The following HYDIN variants were observed in gnomAD, a reference collection of about 807,000 sequenced individuals.
HYDIN encodes axonemal central pair apparatus protein HYDIN.
HYDIN carries 132 observed loss-of-function variants against 403.9 expected under a neutral mutation model. The observed-to-expected ratio is 0.33, with a 90% CI of 0.28 to 0.38. The LOEUF is 0.38. HYDIN is among the 10% of genes least tolerant of loss of function. The probability of loss-of-function intolerance (pLI) is 1.00; values close to 1 mark genes in which losing one functional copy is unlikely to be tolerated. For missense variants in HYDIN, 2,827 were observed against 5,009.5 expected (o/e 0.56, Z 13.15); for synonymous variants, 1,202 against 1,891.7 (o/e 0.64, Z 9.46).
intron 22 of HYDIN, among the ~76,000 whole-genome samples, chr16:71,018,682 A>G (rs2080349236): frequency 6.6e-6 from 1 of 151,934 alleles, no homozygotes; most frequent in Non-Finnish European, 1.5e-5. Context: ...ATATGGATAC[A>G]CATTTTATTA....
At chr16:70,829,856 T>C in intron 80 of HYDIN, 26 bp from the exon 81 acceptor site, 2 of 1,604,016 alleles carry the variant, frequency 1.2e-6, no homozygotes, top group Non-Finnish European at 1.7e-6. Flanking sequence ...CACCTCATCT[T>C]CCATGGCACT....
chr16:70,993,550 G>A (rs1455368304), intron 23 of HYDIN, among the ~76,000 whole-genome samples: 1 of 151,866 alleles, frequency 6.6e-6, no homozygotes, highest in Non-Finnish European at 1.5e-5. Flanking sequence ...GTATTCCATA[G>A]TGTGGATGTT....
In HYDIN at chr16:71,204,008, T is replaced by C. The variant is rs1185197257; in HGVS notation, c.-23-17090A>G. The stretch of plus-strand genomic sequence containing the variant: ...TGAGCCTGAGAAGCAGAGGTTGCAG[T>C]GAGCTGGGATCTTGCCAATGCACTC... On this transcript the variant is annotated intron_variant, in intron 1 of 85. Coordinates refer to ENST00000393567, the MANE Select transcript of HYDIN (RefSeq NM_001270974.2). The C allele has an allele frequency of 1.3e-5, 4 of 301,246 alleles. No homozygotes were observed. In the East Asian group the frequency reaches 3.8e-4, roughly 29 times the overall value. 18.7% of individuals were successfully genotyped at this position (301,246 alleles called of 1,614,324 possible). A position where few individuals can be genotyped will look rare whatever the true frequency, so the allele number is the denominator to read the frequency against.
chr16:71,141,554 C>G (rs1037755883), intron 7 of HYDIN, among the ~76,000 whole-genome samples: 1 of 151,720 alleles, frequency 6.6e-6, no homozygotes, highest in Non-Finnish European at 1.5e-5. Flanking sequence ...TACAGGACCT[C>G]TAAGAAACAT....
intron 45 of HYDIN, among the ~76,000 whole-genome samples, chr16:70,931,305 GCCT>G (rs932807626): frequency 1.5e-5 from 2 of 131,766 alleles, no homozygotes; most frequent in Non-Finnish European, 3.1e-5. Flanking sequence ...TCCTGTTTCA[GCCT>G]CCTGAGTGGC....
At chr16:71,204,472 C>G (rs1372182450) in intron 1 of HYDIN, among the ~76,000 whole-genome samples, 1 of 152,204 alleles carries the variant, frequency 6.6e-6, no homozygotes, top group Non-Finnish European at 1.5e-5. Context: ...TGACCGTTCT[C>G]GATTGAGTGC....
At chr16:71,139,146 T>C (rs1349073551) in intron 7 of HYDIN, among the ~76,000 whole-genome samples, 1 of 149,954 alleles carries the variant, frequency 6.7e-6, no homozygotes, top group Non-Finnish European at 1.5e-5. Flanking sequence ...GAGGGTGAAC[T>C]GGAAGTAGAT....
Position 70,951,187 on chromosome 16 carries a change from A to G in HYDIN, c.6531+1234T>C, listed in dbSNP as rs556494629. The stretch of plus-strand genomic sequence containing the variant: ...GAGCTCAAGGCCGCAGTGAACAAAG[A>G]CTGTGCCACTGCACTCCAGCCTGGG... On this transcript the variant is annotated intron_variant, in intron 41 of 85. Transcript: ENST00000393567. Among the ~76,000 whole-genome samples, 8 of 151,716 alleles carry G rather than the reference A, an allele frequency of 5.3e-5. No homozygotes were observed. The South Asian group carries it at 1.5e-3, about 28-fold the overall frequency.
intron 77 of HYDIN, among the ~76,000 whole-genome samples, chr16:70,836,398 T>C (rs1382402176): frequency 2.6e-5 from 4 of 152,164 alleles, no homozygotes; most frequent in Non-Finnish European, 1.5e-5. Context: ...CTGGGAGCAA[T>C]GGGAAGTCAG....
At chr16:71,159,539 T>C (rs1168228665) in intron 6 of HYDIN, among the ~76,000 whole-genome samples, 1 of 65,704 alleles carries the variant, frequency 1.5e-5, no homozygotes, top group African/African-American at 6.3e-5. Flanking sequence ...CAAGCAAAAT[T>C]AAAACCCAAA....
intron 36 of HYDIN, among the ~76,000 whole-genome samples, chr16:70,967,139 AAAGGT>A (rs1354437543): frequency 6.6e-6 from 1 of 152,158 alleles, no homozygotes; most frequent in African/African-American, 2.4e-5. Flanking sequence ...GTTATTAGAC[AAAGGT>A]GTAGCTCAAG....
chr16:70,834,899 T>TAC (rs2037276620), intron 78 of HYDIN, among the ~76,000 whole-genome samples: 1 of 147,368 alleles, frequency 6.8e-6, no homozygotes, highest in African/African-American at 2.5e-5. Context: ...TGTATATATA[T>TAC]ATACACACAC....
rs1173795561 is a variant in HYDIN at position 71,141,097 on chromosome 16, C to T, written c.842-3745G>A. Among the ~76,000 whole-genome samples, 14 of 150,356 alleles carry T rather than the reference C, an allele frequency of 9.3e-5. 1 individual carries two copies. Among genetic ancestry groups the T allele is most frequent in the Admixed American group, 7.3e-4 (11 of 15,108 alleles). On this transcript the variant is annotated intron_variant, in intron 7 of 85. Coordinates refer to ENST00000393567, the MANE Select transcript of HYDIN (RefSeq NM_001270974.2). ...ATAGAATTAAAATATAGTAAAGTCT[C>T]GGTAATTAAAATATTAATAGCATGG...
At position 70,808,217 on chromosome 16, in the gene HYDIN, T is replaced by C. The variant is rs189180424; in HGVS notation, c.14884-155A>G. Among the ~76,000 whole-genome samples, 21 of 152,284 alleles carry C rather than the reference T, an allele frequency of 1.4e-4. No individual in the cohort carries two copies. The East Asian group carries it at 3.7e-3, about 27-fold the overall frequency. ...AAGTTGTGTCCTTATAACTCCCTTG[T>C]AGGGTAGGTATTACTAATTATTATT... On this transcript the variant is annotated intron_variant, in intron 85 of 85. Coordinates refer to ENST00000393567, the MANE Select transcript of HYDIN (RefSeq NM_001270974.2).
chr16:71,065,054 T>C (rs2082214747), intron 15 of HYDIN, among the ~76,000 whole-genome samples: 2 of 152,244 alleles, frequency 1.3e-5, no homozygotes, highest in Admixed American at 6.5e-5. Flanking sequence ...GAAGCAGAAC[T>C]CCTTGAAGAG....
intron 18 of HYDIN, among the ~76,000 whole-genome samples, chr16:71,056,894 A>AT (rs1363354842): frequency 7.1e-6 from 1 of 141,594 alleles, no homozygotes; most frequent in East Asian, 2.0e-4. Flanking sequence ...GCATAGTTCA[A>AT]TTTTTATAAC....
intron 11 of HYDIN, among the ~76,000 whole-genome samples, chr16:71,092,644 G>A (rs544151022): frequency 1.3e-5 from 2 of 149,672 alleles, no homozygotes; most frequent in South Asian, 4.3e-4. Flanking sequence ...GCAGTGGCGC[G>A]ATCTTGGCTC....
chr16:71,046,757 T>C (rs1056886960), intron 18 of HYDIN, among the ~76,000 whole-genome samples: 1 of 152,350 alleles, frequency 6.6e-6, no homozygotes, highest in African/African-American at 2.4e-5. Context: ...TATACTATGC[T>C]ACTTAATGTA....
At chr16:70,820,067 G>A (rs1283228694) in intron 83 of HYDIN, among the ~76,000 whole-genome samples, 3 of 146,666 alleles carry the variant, frequency 2.0e-5, no homozygotes, top group East Asian at 2.0e-4. Flanking sequence ...TGATCCGCCC[G>A]CCTCGGCCTC....
Sources: allele counts gnomAD v4.1 joint callset (sites outside exome capture counted in the v4.1 genomes callset), GRCh38; gene constraint gnomAD v4.1.1; transcripts MANE v1.5; gene names NCBI Gene and HGNC (gene_info 2026-07-23, HGNC 2026-07-21).